Variants in ZMYND11 observed in about 807,000 individuals in gnomAD.
The protein encoded by ZMYND11 is zinc finger MYND-type containing 11.
ZMYND11 carries 9 observed loss-of-function variants against 84.9 expected under a neutral mutation model. The ratio of observed to expected loss-of-function variants is 0.11; its 90% CI spans 0.06 to 0.18. The LOEUF (loss-of-function observed/expected upper bound fraction) is 0.18. Ranked by LOEUF, ZMYND11 falls within the 10% of genes least tolerant of loss-of-function variation. ZMYND11 has a pLI of 1.00. For missense variants in ZMYND11, 409 were observed against 761.0 expected (o/e 0.54, Z 5.44); for synonymous variants, 250 against 244.1 (o/e 1.02, Z -0.23).
At chr10:222,016 GAGTGAT>G (rs1947217203) in intron 4 of ZMYND11, among the ~76,000 whole-genome samples, 1 of 152,040 alleles carries the variant, frequency 6.6e-6, no homozygotes, top group Non-Finnish European at 1.5e-5. Flanking sequence ...GTGTGTATAC[GAGTGAT>G]ATGTGGTGAC....
chr10:187,462 G>A (rs1176974119), intron 2 of ZMYND11, among the ~76,000 whole-genome samples: 3 of 151,608 alleles, frequency 2.0e-5, no homozygotes, highest in Non-Finnish European at 2.9e-5. Flanking sequence ...GTGAAACCCC[G>A]TCTCTACTAA....
chr10:174,210 CA>C (rs1189712659), intron 1 of ZMYND11, among the ~76,000 whole-genome samples: 2 of 152,086 alleles, frequency 1.3e-5, no homozygotes, highest in Non-Finnish European at 2.9e-5. Flanking sequence ...GAATGTTATT[CA>C]GTACTAAAAA....
intron 2 of ZMYND11, among the ~76,000 whole-genome samples, chr10:200,854 CAT>C (rs963120346): frequency 1.2e-4 from 19 of 152,084 alleles, no homozygotes; most frequent in Non-Finnish European, 2.2e-4. Flanking sequence ...AACTTTTTGT[CAT>C]ATTTGTCATA....
intron 4 of ZMYND11, among the ~76,000 whole-genome samples, chr10:225,803 ATCATGATACTGTAAT>A (rs1400355042): frequency 6.6e-6 from 1 of 152,198 alleles, no homozygotes. Context: ...GCTGGTGAAA[ATCATGATACTGTAAT>A]TCATGGGCAA....
Position 135,536 on chromosome 10 carries a change from C to T in ZMYND11, c.-43C>T. 2.6e-5 allele frequency: 4 copies of T among 151,564 alleles called. No individual in the cohort carries two copies. The highest frequency in any genetic ancestry group is 5.8e-5 in the Non-Finnish European group (4 of 68,734). 9.4% of individuals were successfully genotyped at this position (151,564 alleles called of 1,614,324 possible). ...GGAGGGCCGGGCGCGGCGGCGGCGG[C>T]GGTGGAGGAGCCGGAGCATAATGGT... is the stretch of plus-strand genomic sequence containing the variant. On this transcript the variant is annotated 5_prime_UTR_variant, in exon 1 of 15. Coordinates refer to ENST00000381604, the MANE Select transcript of ZMYND11 (RefSeq NM_001370100.5). This position sits in a 1 kb window ranked among gnomAD's most constrained non-coding sequence, Gnocchi z 5.6.
chr10:172,223 A>G (rs1328998858), intron 1 of ZMYND11, among the ~76,000 whole-genome samples: 1 of 152,202 alleles, frequency 6.6e-6, no homozygotes, highest in Non-Finnish European at 1.5e-5. Flanking sequence ...TTTTGGAGAA[A>G]CGAAAACATT....
At chr10:182,908 G>A (rs972024296) in intron 2 of ZMYND11, among the ~76,000 whole-genome samples, 6 of 152,072 alleles carry the variant, frequency 3.9e-5, no homozygotes, top group South Asian at 4.1e-4. Context: ...CAATCAAGTC[G>A]CTCTGCTTAG....
chr10:161,043 C>A (rs782449190), intron 1 of ZMYND11, among the ~76,000 whole-genome samples: 1 of 143,256 alleles, frequency 7.0e-6, no homozygotes, highest in African/African-American at 2.6e-5. Flanking sequence ...CTGACTGCAG[C>A]CTTGAACTCT....
intron 1 of ZMYND11, among the ~76,000 whole-genome samples, chr10:166,504 T>C (rs1309249143): frequency 6.6e-6 from 1 of 152,108 alleles, no homozygotes. Flanking sequence ...TCAACATCAT[T>C]AGTCATTAGA....
At chr10:132,176 GAA>G (rs1835324341), upstream of ZMYND11, among the ~76,000 whole-genome samples, 1 of 151,802 alleles carries the variant, frequency 6.6e-6, no homozygotes. Flanking sequence ...TATAGTCTTA[GAA>G]AATATTTCAT....
intron 3 of ZMYND11, among the ~76,000 whole-genome samples, chr10:213,294 A>G (rs1945587467): frequency 1.3e-5 from 2 of 152,304 alleles, no homozygotes; most frequent in Admixed American, 6.5e-5. Flanking sequence ...TAGTTTGCAC[A>G]TGGTGTTCTG....
At chr10:213,233 A>G (rs1327024577) in intron 3 of ZMYND11, among the ~76,000 whole-genome samples, 2 of 152,188 alleles carry the variant, frequency 1.3e-5, no homozygotes, top group African/African-American at 4.8e-5. Context: ...CATTTATTCT[A>G]ATAAATGAAC....
chr10:235,868 TTATAAACAGTGTACGTACG>T (rs1389904724), intron 4 of ZMYND11, among the ~76,000 whole-genome samples: 1 of 152,248 alleles, frequency 6.6e-6, no homozygotes, highest in Admixed American at 6.5e-5. Context: ...TTTTATGTGT[TTATAAACAGTGTACGTACG>T]TATAATCAAT....
intron 1 of ZMYND11, among the ~76,000 whole-genome samples, chr10:136,432 C>T (rs1289353876): frequency 6.6e-6 from 1 of 152,080 alleles, no homozygotes; most frequent in African/African-American, 2.4e-5. Flanking sequence ...GTACGCAGTA[C>T]CGGGGATTAT....
intron 14 of ZMYND11, among the ~76,000 whole-genome samples, chr10:250,872 A>C (rs984188845): frequency 6.6e-6 from 1 of 152,106 alleles, no homozygotes; most frequent in Non-Finnish European, 1.5e-5. Flanking sequence ...AAAATACAAA[A>C]ATTAGCCGGG....
chr10:166,838 A>G (rs1477894775), intron 1 of ZMYND11, among the ~76,000 whole-genome samples: 1 of 152,176 alleles, frequency 6.6e-6, no homozygotes, highest in Non-Finnish European at 1.5e-5. Flanking sequence ...AAAGATGGAA[A>G]CTACCCAAGT....
intron 1 of ZMYND11, among the ~76,000 whole-genome samples, chr10:160,741 A>G (rs980229563): frequency 2.0e-5 from 3 of 152,294 alleles, no homozygotes; most frequent in African/African-American, 7.2e-5. Flanking sequence ...TTGCTTATCC[A>G]TAAGAAGCAG....
chr10:190,157 G>A lies in ZMYND11; in HGVS notation c.116+10029G>A, dbSNP rs181864985. Among the ~76,000 whole-genome samples, 363 of 152,256 alleles carry A rather than the reference G, an allele frequency of 2.4e-3. 3 individuals are homozygous for A. The highest frequency in any genetic ancestry group is 7.8e-3 in the African/African-American group (322 of 41,540). On this transcript the variant is annotated intron_variant, in intron 2 of 14. Coordinates refer to ENST00000381604, the MANE Select transcript of ZMYND11 (RefSeq NM_001370100.5). The stretch of plus-strand genomic sequence containing the variant: ...TTTTCCACCGCAGCTGGATTGACTC[G>A]AGTCTGTCTGCTCTTCTCTGTTCTG...
chr10:169,746 G>T (rs1844840708), intron 1 of ZMYND11, among the ~76,000 whole-genome samples: 1 of 152,066 alleles, frequency 6.6e-6, no homozygotes, highest in Non-Finnish European at 1.5e-5. Flanking sequence ...CTGAAAAGCA[G>T]AGAGAGACAA....
Sources: allele counts gnomAD v4.1 joint callset (sites outside exome capture counted in the v4.1 genomes callset), GRCh38; gene constraint gnomAD v4.1.1; non-coding constraint Gnocchi (gnomAD v3.1); transcripts MANE v1.5; gene names NCBI Gene and HGNC (gene_info 2026-07-23, HGNC 2026-07-21).